The following COL5A2 variants were observed in gnomAD, a reference collection of about 807,000 sequenced individuals.
COL5A2 encodes the protein collagen type V alpha 2 chain, also known as collagen alpha-2(V) chain.
Under a neutral mutation model 208.2 loss-of-function variants are expected in COL5A2, and 23 were observed. The observed-to-expected ratio is 0.11, with a 90% CI of 0.08 to 0.16. The LOEUF is 0.16. Among genes scored for constraint, COL5A2 ranks in the 10% least tolerant of loss-of-function variants. The pLI is 1.00. For synonymous variants in COL5A2, 625 were observed against 628.5 expected (o/e 0.99, Z 0.08); for missense variants, 1,590 against 1,956.4 (o/e 0.81, Z 3.53).
At chr2:189,229,619 TA>T (rs1468273424), upstream of COL5A2, among the ~76,000 whole-genome samples, 2 of 151,828 alleles carry the variant, frequency 1.3e-5, no homozygotes, top group African/African-American at 4.8e-5. Flanking sequence ...GGAAAAAATT[TA>T]ACTGAGGGAC....
chr2:189,197,691 CA>C (rs1300943398), intron 1 of COL5A2, among the ~76,000 whole-genome samples: 1 of 151,772 alleles, frequency 6.6e-6, no homozygotes, highest in African/African-American at 2.4e-5. Flanking sequence ...AAAAAGTAGC[CA>C]ACTGTGAGAA....
chr2:189,172,268 A>C (rs1688586800), intron 1 of COL5A2, among the ~76,000 whole-genome samples: 1 of 152,182 alleles, frequency 6.6e-6, no homozygotes, highest in Non-Finnish European at 1.5e-5. Flanking sequence ...TATAGAAAAG[A>C]GAGCATGACT....
chr2:189,076,981 G>A lies in COL5A2; in HGVS notation c.1059+1535C>T, dbSNP rs188137798. Reference sequence around the variant, plus strand: ...TCCCAGCTATTTGGGTGAGAGTATCGCTTGAGCCCAGGAGTTCAAGGCTAC... The same window carrying A: ...TCCCAGCTATTTGGGTGAGAGTATCACTTGAGCCCAGGAGTTCAAGGCTAC... On this transcript the variant is annotated intron_variant, in intron 16 of 53. Coordinates refer to ENST00000374866, the MANE Select transcript of COL5A2 (RefSeq NM_000393.5). 2.0e-4 allele frequency among the ~76,000 whole-genome samples: 30 copies of A among 152,146 alleles called. No homozygotes were observed. In the East Asian group the frequency reaches 3.3e-3, roughly 17 times the overall value.
At chr2:189,120,848 G>A (rs1401728288) in intron 1 of COL5A2, among the ~76,000 whole-genome samples, 6 of 152,148 alleles carry the variant, frequency 3.9e-5, no homozygotes, top group Non-Finnish European at 7.4e-5. Flanking sequence ...TTAAGAATGT[G>A]TTTAAATCAT....
intron 8 of COL5A2, 87 bp from the exon 9 acceptor site, chr2:189,086,857 T>C (rs1576517612): frequency 3.4e-6 from 4 of 1,177,836 alleles, no homozygotes; most frequent in South Asian, 1.3e-5. Context: ...CTCTAGAATC[T>C]GGAAAAGTGA....
intron 1 of COL5A2, among the ~76,000 whole-genome samples, chr2:189,185,941 T>C (rs1688846043): frequency 6.6e-6 from 1 of 152,026 alleles, no homozygotes; most frequent in Non-Finnish European, 1.5e-5. Flanking sequence ...AAACTAGTAA[T>C]AGAGCAGGAG....
chr2:189,093,554 A>T (rs1001989927), intron 6 of COL5A2, among the ~76,000 whole-genome samples: 4 of 152,096 alleles, frequency 2.6e-5, no homozygotes, highest in Non-Finnish European at 5.9e-5. Flanking sequence ...CAGAAATTTA[A>T]TTATTTTAAT....
the COL5A2 span, among the ~76,000 whole-genome samples, chr2:189,419,110 G>T: frequency 2.0e-5 from 3 of 152,116 alleles, no homozygotes; most frequent in African/African-American, 7.2e-5. Flanking sequence ...GCATCTTCAT[G>T]CTCTTTAAAT....
the COL5A2 span, among the ~76,000 whole-genome samples, chr2:189,240,487 C>T: frequency 1.3e-5 from 2 of 152,146 alleles, no homozygotes; most frequent in Non-Finnish European, 2.9e-5. Context: ...AGGACTTCAA[C>T]GTGTGAATTT....
At chr2:189,202,551 A>G (rs1405571870) in intron 1 of COL5A2, among the ~76,000 whole-genome samples, 1 of 152,142 alleles carries the variant, frequency 6.6e-6, no homozygotes. Context: ...TAATTTCTCC[A>G]GGTTTAGAAT....
chr2:189,401,773 T>A, the COL5A2 span, among the ~76,000 whole-genome samples: 2 of 152,176 alleles, frequency 1.3e-5, no homozygotes, highest in Non-Finnish European at 2.9e-5. Flanking sequence ...CTAACTGGGG[T>A]TAGGTGGTAT....
the COL5A2 span, among the ~76,000 whole-genome samples, chr2:189,263,220 G>A: frequency 1.3e-5 from 2 of 152,176 alleles, no homozygotes; most frequent in East Asian, 3.9e-4. Flanking sequence ...CTAGAGAGAA[G>A]TATCCCATCC....
intron 2 of COL5A2, among the ~76,000 whole-genome samples, chr2:189,107,891 G>A (rs1375854214): frequency 6.6e-6 from 1 of 151,624 alleles, no homozygotes; most frequent in Non-Finnish European, 1.5e-5. Context: ...AAAATTGACA[G>A]TGTTTCTTTT....
In COL5A2 at chr2:189,068,108, A is replaced by T; in HGVS notation, c.1308T>A (p.Ser436=). 6.2e-7 allele frequency: 1 copy of T among 1,613,454 alleles called. No homozygotes were observed. Among genetic ancestry groups the T allele is most frequent in the Admixed American group, 1.7e-5 (1 of 60,000 alleles). ...GTPGAKGPTG[S]PGTSGPPGSA... is the part of the protein sequence containing the mutation. ...AGCCAGGAGGACCAGAGGTACCTGG[A>T]GAGCCCTATTAAACAGCAAGAGTGA... Residue 436 remains serine, a synonymous_variant, in exon 21 of 54, where the codon TCT becomes TCA. Transcript: ENST00000374866.
chr2:189,356,639 T>G, the COL5A2 span, among the ~76,000 whole-genome samples: 2 of 152,180 alleles, frequency 1.3e-5, no homozygotes, highest in Non-Finnish European at 2.9e-5. Context: ...TCATCTAACC[T>G]TTTTTCAAAG....
chr2:189,223,474 A>G (rs1689373076), intron 1 of COL5A2, among the ~76,000 whole-genome samples: 1 of 152,170 alleles, frequency 6.6e-6, no homozygotes, highest in African/African-American at 2.4e-5. Context: ...GAAAAAGCCA[A>G]TGAACTTGTA....
the COL5A2 span, among the ~76,000 whole-genome samples, chr2:189,395,732 C>T: frequency 2.4e-4 from 36 of 150,632 alleles, no homozygotes; most frequent in Non-Finnish European, 4.0e-4. Flanking sequence ...GGTGAAACCC[C>T]GTCTCTATTA....
At chr2:189,291,187 T>G in the COL5A2 span, among the ~76,000 whole-genome samples, 5 of 152,124 alleles carry the variant, frequency 3.3e-5, no homozygotes, top group Non-Finnish European at 5.9e-5. Flanking sequence ...ACATTTTGAT[T>G]TTATGCACTT....
chr2:189,346,916 A>C, the COL5A2 span, among the ~76,000 whole-genome samples: 2 of 152,174 alleles, frequency 1.3e-5, no homozygotes, highest in Non-Finnish European at 2.9e-5. Flanking sequence ...TGGAGGCTGG[A>C]GCCACTTCCA....
Sources: gnomAD v4.1 joint callset for allele counts (sites outside exome capture counted in the v4.1 genomes callset) on GRCh38, gnomAD v4.1.1 for gene constraint, MANE v1.5 for transcripts, NCBI Gene and HGNC (gene_info 2026-07-23, HGNC 2026-07-21) for gene names.